EEFSEC: variants seen among roughly 807,000 people sequenced by gnomAD.
The protein encoded by EEFSEC is eukaryotic elongation factor, selenocysteine-tRNA specific.
In EEFSEC, 43 loss-of-function variants were observed where a neutral mutation model predicts 42.1. The observed-to-expected ratio is 1.02, with a 90% confidence interval of 0.80 to 1.32. The LOEUF is 1.32. EEFSEC is among the 40% of genes most tolerant of loss of function. The pLI is 0.00. For synonymous variants in EEFSEC, 354 were observed against 339.1 expected, an observed-to-expected ratio of 1.04 and a Z score of -0.48; for missense variants, 745 against 803.6, an observed-to-expected ratio of 0.93 and a Z score of 0.88.
At chr3:128,304,759 A>G (rs2066808325) in intron 4 of EEFSEC, among the ~76,000 whole-genome samples, 1 of 151,766 alleles carries the variant, frequency 6.6e-6, no homozygotes, top group Admixed American at 6.6e-5. Context: ...ACTGGAATGC[A>G]ATGGTGCGTT....
chr3:128,388,987 G>A (rs1390931864), intron 6 of EEFSEC, among the ~76,000 whole-genome samples: 1 of 152,176 alleles, frequency 6.6e-6, no homozygotes, highest in East Asian at 1.9e-4. Flanking sequence ...GTGGTGCTGG[G>A]ACCCAGGAGC....
At chr3:128,378,628 G>A (rs912781809) in intron 6 of EEFSEC, among the ~76,000 whole-genome samples, 5 of 152,184 alleles carry the variant, frequency 3.3e-5, no homozygotes, top group Admixed American at 6.5e-5. Context: ...TGAGCTGCTC[G>A]TAGGAGCCCC....
In EEFSEC at chr3:128,391,838, T is replaced by C. The variant is rs60633622; in HGVS notation, c.1601-16231T>C. ...CCAGCGGGTGCTCTGAGGGCAATCA[T>C]GGGCAGAAAGACAAGCAACGAATGC... On this transcript the variant is annotated intron_variant, in intron 6 of 6. Transcript: ENST00000254730. Among the ~76,000 whole-genome samples the C allele has an allele frequency of 7.8e-3, 1,181 of 152,292 alleles. 17 individuals are homozygous for C. The highest frequency in any genetic ancestry group is 0.027 in the African/African-American group (1,119 of 41,562).
chr3:128,221,587 C>T (rs989711197), intron 1 of EEFSEC, among the ~76,000 whole-genome samples: 7 of 152,180 alleles, frequency 4.6e-5, no homozygotes, highest in African/African-American at 1.7e-4. Flanking sequence ...CCTGGGCTGC[C>T]GTAGCCCCTG....
At chr3:128,289,354 C>T (rs2066619210) in intron 4 of EEFSEC, among the ~76,000 whole-genome samples, 1 of 152,350 alleles carries the variant, frequency 6.6e-6, no homozygotes, top group South Asian at 2.1e-4. Flanking sequence ...CAGTACCTTC[C>T]AGACTCTTGC....
rs760505690 is a variant in EEFSEC, at chr3:128,408,255, C to T, written c.1787C>T (p.Pro596Leu). 3 of 1,578,686 alleles carry T rather than the reference C, an allele frequency of 1.9e-6. No homozygotes were observed. Among genetic ancestry groups the T allele is most frequent in the Admixed American group, 1.8e-5 (1 of 56,930 alleles). The change falls in exon 7 of 7, where the codon CCC (proline) becomes CTC (leucine). Residue 596 changes from proline to leucine, a missense_variant. Physicochemically the swap from Pro to Leu is moderately conservative, Grantham distance 98. Transcript: ENST00000254730. ...FDTHKRMVQSP is the reference protein window; with the variant it reads ...FDTHKRMVQSL ...ACCCACAAGCGCATGGTTCAGTCTC[C>T]CTGAGTGTCCGGTGACCTCCCCCAG...
chr3:128,160,826 G>A (rs1056351864), intron 1 of EEFSEC, among the ~76,000 whole-genome samples: 4 of 151,836 alleles, frequency 2.6e-5, no homozygotes, highest in African/African-American at 7.3e-5. Context: ...ACACACACAC[G>A]AATCCTATCT....
the EEFSEC span, among the ~76,000 whole-genome samples, chr3:128,417,775 C>T: frequency 6.6e-6 from 1 of 152,130 alleles, no homozygotes; most frequent in African/African-American, 2.4e-5. This position sits in a 1 kb window ranked among gnomAD's most constrained non-coding sequence, Gnocchi z 4.3. Flanking sequence ...ACTGGCCACA[C>T]TGTCCTGGCC....
At chr3:128,413,858 AAC>A in the EEFSEC span, among the ~76,000 whole-genome samples, 2 of 152,204 alleles carry the variant, frequency 1.3e-5, no homozygotes, top group Admixed American at 1.3e-4. Flanking sequence ...TGCACAGCCC[AAC>A]ATCACCTGTG....
chr3:128,290,728 C>T (rs1459630591), intron 4 of EEFSEC, among the ~76,000 whole-genome samples: 1 of 151,770 alleles, frequency 6.6e-6, no homozygotes, highest in African/African-American at 2.4e-5. Flanking sequence ...AATGTTTTAT[C>T]GTTTTTTGGG....
intron 6 of EEFSEC, among the ~76,000 whole-genome samples, chr3:128,390,555 C>T (rs2067896488): frequency 6.6e-6 from 1 of 152,212 alleles, no homozygotes; most frequent in Non-Finnish European, 1.5e-5. Context: ...AGAGAGAGGC[C>T]CTTGCTTGCT....
At chr3:128,325,785 C>T (rs1172177758) in intron 4 of EEFSEC, among the ~76,000 whole-genome samples, 8 of 152,146 alleles carry the variant, frequency 5.3e-5, no homozygotes, top group Non-Finnish European at 8.8e-5. Flanking sequence ...TTCAGTATTA[C>T]AGAGAAAACA....
intron 2 of EEFSEC, among the ~76,000 whole-genome samples, chr3:128,252,716 CACACATACACATATATATTTATCTGAA>C (rs2066200418): frequency 1.3e-5 from 2 of 152,152 alleles, no homozygotes. Flanking sequence ...TGTATATACA[CACACATACACATATATATTTATCTGAA>C]ACTTTTTTTG....
At chr3:128,286,920 A>T (rs780087005) in intron 4 of EEFSEC, among the ~76,000 whole-genome samples, 1 of 152,230 alleles carries the variant, frequency 6.6e-6, no homozygotes, top group Non-Finnish European at 1.5e-5. Context: ...AATCAAGTAC[A>T]CATGGCTCAT....
chr3:128,384,871 G>A (rs78360844), intron 6 of EEFSEC, among the ~76,000 whole-genome samples: 4,537 of 152,294 alleles, frequency 0.03, 89 homozygotes, highest in Non-Finnish European at 0.044. Context: ...GGCCAAAGTG[G>A]TGCAGGGCTG....
chr3:128,296,570 C>T (rs1051437624), intron 4 of EEFSEC, among the ~76,000 whole-genome samples: 2 of 152,180 alleles, frequency 1.3e-5, no homozygotes, highest in African/African-American at 4.8e-5. Context: ...ACCTGCAGGG[C>T]CTGTGTCTCC....
chr3:128,314,106 C>G (rs1311551445), intron 4 of EEFSEC, among the ~76,000 whole-genome samples: 1 of 152,220 alleles, frequency 6.6e-6, no homozygotes, highest in African/African-American at 2.4e-5. Context: ...GCTGCTCTCT[C>G]TCTCCCTCTC....
intron 1 of EEFSEC, among the ~76,000 whole-genome samples, chr3:128,239,254 T>A (rs966822091): frequency 2.0e-5 from 3 of 152,266 alleles, no homozygotes; most frequent in African/African-American, 7.2e-5. Flanking sequence ...CTCTTCCTCC[T>A]CTGGAGGGCA....
chr3:128,343,842 G>C (rs1300250791), intron 5 of EEFSEC, among the ~76,000 whole-genome samples: 1 of 152,196 alleles, frequency 6.6e-6, no homozygotes, highest in Non-Finnish European at 1.5e-5. Context: ...GCATTTTCCT[G>C]CTCAGTCCAG....
Sources: allele counts gnomAD v4.1 joint callset (sites outside exome capture counted in the v4.1 genomes callset), GRCh38; gene constraint gnomAD v4.1.1; non-coding constraint Gnocchi (gnomAD v3.1); transcripts MANE v1.5; gene names NCBI Gene and HGNC (gene_info 2026-07-23, HGNC 2026-07-21).